The following IFNG-AS1 variants were observed in gnomAD, a reference collection of about 807,000 sequenced individuals.
IFNG-AS1 encodes IFNG regulatory antisense RNA 1.
intron 3 of IFNG-AS1, among the ~76,000 whole-genome samples, chr12:68,016,511 C>T (rs546589176): frequency 1.2e-4 from 19 of 152,252 alleles, no homozygotes; most frequent in Admixed American, 3.9e-4. Context: ...GCACATTACT[C>T]AACTTCTCTG....
intron 3 of IFNG-AS1, among the ~76,000 whole-genome samples, chr12:68,018,375 G>C: frequency 6.6e-6 from 1 of 152,084 alleles, no homozygotes; most frequent in South Asian, 2.1e-4. Context: ...AATACTCTCA[G>C]GGAACTCATC....
intron 2 of IFNG-AS1, among the ~76,000 whole-genome samples, chr12:68,000,260 T>C (rs1278019771): frequency 1.3e-5 from 2 of 152,142 alleles, no homozygotes; most frequent in Non-Finnish European, 2.9e-5. Flanking sequence ...GTAATAAAAA[T>C]ATTAAAAAGA....
intron 3 of IFNG-AS1, among the ~76,000 whole-genome samples, chr12:68,007,655 G>A (rs1565690274): frequency 6.6e-6 from 1 of 152,176 alleles, no homozygotes; most frequent in Non-Finnish European, 1.5e-5. Flanking sequence ...AACAGCTGAT[G>A]AAATCTCATG....
At chr12:68,020,286 AT>A (rs1406812152) in intron 4 of IFNG-AS1, 5 of 152,186 alleles carry the variant, frequency 3.3e-5, no homozygotes, top group Admixed American at 3.3e-4. Flanking sequence ...CATCAAGAGT[AT>A]TTGAAAGGAA....
chr12:67,991,553 A>G (rs1879512673), intron 1 of IFNG-AS1, among the ~76,000 whole-genome samples: 1 of 152,226 alleles, frequency 6.6e-6, no homozygotes, highest in Non-Finnish European at 1.5e-5. Flanking sequence ...GAATGAGGAT[A>G]ATAAGATCAC....
intron 2 of IFNG-AS1, among the ~76,000 whole-genome samples, chr12:68,000,213 A>G (rs1879736595): frequency 6.6e-6 from 1 of 152,196 alleles, no homozygotes; most frequent in African/African-American, 2.4e-5. Flanking sequence ...GTGTACTGGC[A>G]ACTTTTTTTA....
intron 3 of IFNG-AS1, among the ~76,000 whole-genome samples, chr12:68,010,957 T>C (rs1004464705): frequency 6.6e-6 from 1 of 152,226 alleles, no homozygotes; most frequent in Admixed American, 6.5e-5. Flanking sequence ...CCTAGTTCTC[T>C]GTCAGGGGTT....
At chr12:67,999,199 G>A (rs1019411903) in intron 2 of IFNG-AS1, among the ~76,000 whole-genome samples, 9 of 152,152 alleles carry the variant, frequency 5.9e-5, no homozygotes, top group Admixed American at 5.2e-4. Flanking sequence ...ATAGATAATA[G>A]ATGATACAGA....
chr12:68,020,432 A>G (rs1880259601), intron 4 of IFNG-AS1: 1 of 152,186 alleles, frequency 6.6e-6, no homozygotes. Context: ...CCAAAATATT[A>G]AAACATACAC....
chr12:67,992,232 G>T (rs2906853), intron 1 of IFNG-AS1, among the ~76,000 whole-genome samples: 79,665 of 151,972 alleles, frequency 0.52, 20,989 homozygotes, highest in Middle Eastern at 0.65. Context: ...TTTAATATCT[G>T]GCTTTGGTAA....
chr12:67,994,215 C>T (rs1469171208), intron 1 of IFNG-AS1, among the ~76,000 whole-genome samples: 1 of 152,234 alleles, frequency 6.6e-6, no homozygotes, highest in East Asian at 1.9e-4. Context: ...AAGCTTCCTG[C>T]CCCTCCTTCA....
At position 68,004,615 on chromosome 12, in the gene IFNG-AS1, G is replaced by A. The variant is rs542666715; in HGVS notation, n.185-1475G>A. The stretch of plus-strand genomic sequence containing the variant: ...TGGTTCTGACCATTTGCCCCTGGTT[G>A]TGCCTTCCTTCTCTACAGCCTCTGT... On this transcript the variant is annotated intron_variant and non_coding_transcript_variant, in intron 2 of 5. Coordinates refer to ENST00000536914, the Ensembl canonical transcript of IFNG-AS1. 4.6e-5 allele frequency among the ~76,000 whole-genome samples: 7 copies of A among 152,198 alleles called. No homozygotes were observed. The South Asian group carries it at 1.5e-3, about 32-fold the overall frequency.
intron 3 of IFNG-AS1, among the ~76,000 whole-genome samples, chr12:68,009,117 G>A (rs557242890): frequency 6.6e-6 from 1 of 152,272 alleles, no homozygotes; most frequent in South Asian, 2.1e-4. Flanking sequence ...TTTAAGTAAA[G>A]ATTAAAAACA....
At chr12:68,008,367 G>T (rs1879952828) in intron 3 of IFNG-AS1, among the ~76,000 whole-genome samples, 1 of 150,534 alleles carries the variant, frequency 6.6e-6, no homozygotes, top group Non-Finnish European at 1.5e-5. Flanking sequence ...AGTGAGCCAA[G>T]ACCACGCCAC....
chr12:68,008,630 G>C (rs1262165266), intron 3 of IFNG-AS1, among the ~76,000 whole-genome samples: 4 of 152,122 alleles, frequency 2.6e-5, no homozygotes, highest in African/African-American at 9.7e-5. Context: ...TTGGTAGGAG[G>C]CTTCTCCACA....
chr12:68,005,381 C>T (rs1206238459), intron 2 of IFNG-AS1, among the ~76,000 whole-genome samples: 2 of 152,200 alleles, frequency 1.3e-5, no homozygotes, highest in African/African-American at 4.8e-5. Context: ...TGCGCACACA[C>T]ATGCATGCAC....
intron 3 of IFNG-AS1, among the ~76,000 whole-genome samples, chr12:68,012,089 G>A (rs1209794629): frequency 2.0e-5 from 3 of 152,138 alleles, no homozygotes; most frequent in Non-Finnish European, 4.4e-5. Context: ...GCATGGAAAT[G>A]TAGCACATCC....
intron 2 of IFNG-AS1, among the ~76,000 whole-genome samples, chr12:68,004,044 G>A (rs1268839021): frequency 6.6e-6 from 1 of 151,906 alleles, no homozygotes; most frequent in East Asian, 1.9e-4. Context: ...CCTGCCCTAG[G>A]GATCTGGATT....
chr12:68,018,114 G>T (rs1314745091), intron 3 of IFNG-AS1, among the ~76,000 whole-genome samples: 1 of 152,072 alleles, frequency 6.6e-6, no homozygotes, highest in Non-Finnish European at 1.5e-5. Flanking sequence ...ATCCAAGCCA[G>T]TCATCTGGAC....
Sources: allele counts gnomAD v4.1 joint callset (sites outside exome capture counted in the v4.1 genomes callset), GRCh38; gene constraint gnomAD v4.1.1; transcripts MANE v1.5; gene names NCBI Gene and HGNC (gene_info 2026-07-23, HGNC 2026-07-21).